ZBBX: variants seen among roughly 807,000 people sequenced by gnomAD.
ZBBX encodes the protein zinc finger B-box domain containing, also known as zinc finger B-box domain-containing protein 1.
In ZBBX, 101 loss-of-function variants were observed where a neutral mutation model predicts 108.5. That is an observed-to-expected ratio of 0.93 (90% confidence interval 0.79 to 1.10). ZBBX has a LOEUF of 1.10. Among genes scored for constraint, ZBBX ranks in the 50% least tolerant of loss-of-function variants. ZBBX has a pLI of 0.00. For missense variants in ZBBX, 1,009 were observed against 941.4 expected (o/e 1.07, Z -0.94); for synonymous variants, 356 against 323.4 (o/e 1.10, Z -1.08).
intron 20 of ZBBX, among the ~76,000 whole-genome samples, chr3:167,243,303 C>CT (rs923855499): frequency 6.6e-6 from 1 of 152,106 alleles, no homozygotes; most frequent in African/African-American, 2.4e-5. Flanking sequence ...ACAATGCCTT[C>CT]TTTTTTCACT....
downstream of ZBBX, among the ~76,000 whole-genome samples, chr3:167,238,935 T>G (rs1034735307): frequency 2.0e-5 from 3 of 152,138 alleles, no homozygotes; most frequent in South Asian, 2.1e-4. Flanking sequence ...TCCAGAGAAA[T>G]AGAACAAATA....
chr3:167,245,850 A>G (rs1397526780), intron 20 of ZBBX, among the ~76,000 whole-genome samples: 1 of 152,030 alleles, frequency 6.6e-6, no homozygotes, highest in African/African-American at 2.4e-5. Context: ...AGTTTTTTTT[A>G]TAAGTTATTT....
At chr3:167,367,587 T>TA (rs5854237) in intron 5 of ZBBX, among the ~76,000 whole-genome samples, 53,106 of 145,408 alleles carry the variant, frequency 0.37, 10,044 homozygotes, top group African/African-American at 0.5. Flanking sequence ...AACTCATTTG[T>TA]AAAAAAAAAA....
intron 20 of ZBBX, among the ~76,000 whole-genome samples, chr3:167,267,380 G>A (rs1725715983): frequency 6.6e-6 from 1 of 152,152 alleles, no homozygotes. Context: ...GGAAGGATAG[G>A]CAAGAAATTT....
At chr3:167,405,105 C>T (rs529651067) in intron 1 of ZBBX, among the ~76,000 whole-genome samples, 1 of 152,224 alleles carries the variant, frequency 6.6e-6, no homozygotes, top group African/African-American at 2.4e-5. Flanking sequence ...AGAAGAAGCA[C>T]ATCTGAGAGG....
intron 12 of ZBBX, among the ~76,000 whole-genome samples, chr3:167,320,652 T>C (rs879276434): frequency 1.3e-5 from 2 of 151,998 alleles, no homozygotes; most frequent in Admixed American, 6.6e-5. Flanking sequence ...AAGTAGTGAT[T>C]TTACAGTGGA....
chr3:167,192,020 GTTTTATC>G, the ZBBX span, among the ~76,000 whole-genome samples: 1 of 147,016 alleles, frequency 6.8e-6, no homozygotes, highest in Admixed American at 6.9e-5. Flanking sequence ...CCATAGTTAG[GTTTTATC>G]TTTTATCAAC....
intron 18 of ZBBX, among the ~76,000 whole-genome samples, chr3:167,291,114 C>T (rs895872605): frequency 5.3e-5 from 8 of 151,998 alleles, no homozygotes; most frequent in Non-Finnish European, 8.8e-5. Flanking sequence ...GAGAATGGAA[C>T]CAAGTTGGGA....
intron 10 of ZBBX, among the ~76,000 whole-genome samples, chr3:167,328,326 T>C (rs900769805): frequency 2.0e-4 from 31 of 152,164 alleles, no homozygotes; most frequent in Non-Finnish European, 7.3e-5. Context: ...CAATTATAAA[T>C]GGTCTCTTCA....
chr3:167,287,753 T>C (rs1274778612), intron 19 of ZBBX, among the ~76,000 whole-genome samples: 1 of 152,120 alleles, frequency 6.6e-6, no homozygotes, highest in Non-Finnish European at 1.5e-5. Flanking sequence ...ACCAGAATTT[T>C]TGAAGTTGCT....
the ZBBX span, among the ~76,000 whole-genome samples, chr3:167,199,118 C>G: frequency 6.6e-6 from 1 of 152,084 alleles, no homozygotes; most frequent in African/African-American, 2.4e-5. Flanking sequence ...GATAGAGAAG[C>G]AGGAGAAGCA....
At chr3:167,275,214 T>G (rs1036337462) in intron 20 of ZBBX, among the ~76,000 whole-genome samples, 1 of 152,158 alleles carries the variant, frequency 6.6e-6, no homozygotes, top group Non-Finnish European at 1.5e-5. Flanking sequence ...TAAATATATA[T>G]TCTTCTATGT....
the ZBBX span, among the ~76,000 whole-genome samples, chr3:167,226,902 A>G: frequency 4.6e-5 from 7 of 151,708 alleles, no homozygotes; most frequent in Non-Finnish European, 2.9e-5. Flanking sequence ...ATAACTAATA[A>G]TGTTACAGGT....
At chr3:167,369,127 T>TA (rs1227753395) in intron 4 of ZBBX, among the ~76,000 whole-genome samples, 2 of 152,272 alleles carry the variant, frequency 1.3e-5, no homozygotes, top group Admixed American at 1.3e-4. Context: ...GAGCTTCCTG[T>TA]ACAAGAGATT....
chr3:167,385,883 T>A (rs959647724), intron 1 of ZBBX, among the ~76,000 whole-genome samples: 4 of 152,046 alleles, frequency 2.6e-5, no homozygotes, highest in Middle Eastern at 3.2e-3. Flanking sequence ...GTTTCTTAGT[T>A]CCACCCAAGG....
rs574975338 is a variant in ZBBX at position 167,404,386 on chromosome 3, C to T, written c.-446+3340G>A. On this transcript the variant is annotated intron_variant, in intron 1 of 21. Coordinates refer to the ZBBX transcript ENST00000455345. ...ATAGTTATAGTAGGAAATTGTATTACGAATAACCAGGGGTTTGCTCTAGGT... is the reference window on the plus strand; with the variant it reads ...ATAGTTATAGTAGGAAATTGTATTATGAATAACCAGGGGTTTGCTCTAGGT... Among the ~76,000 whole-genome samples the T allele has an allele frequency of 5.9e-5, 9 of 152,214 alleles. No individual in the cohort carries two copies. The East Asian group carries it at 1.2e-3, about 20-fold the overall frequency.
chr3:167,257,383 A>C (rs1003907302), intron 20 of ZBBX, among the ~76,000 whole-genome samples: 1 of 152,012 alleles, frequency 6.6e-6, no homozygotes, highest in Non-Finnish European at 1.5e-5. Flanking sequence ...TTCCTTTCCG[A>C]TTTGGATGCC....
At chr3:167,208,966 A>G in the ZBBX span, among the ~76,000 whole-genome samples, 1 of 152,078 alleles carries the variant, frequency 6.6e-6, no homozygotes, top group African/African-American at 2.4e-5. Context: ...GCCTGATAGG[A>G]TTCACCACAA....
chr3:167,405,003 A>G (rs954345048), intron 1 of ZBBX, among the ~76,000 whole-genome samples: 46 of 152,322 alleles, frequency 3.0e-4, no homozygotes, highest in African/African-American at 1.1e-3. Context: ...GTCTGATACA[A>G]GGGAGAGGTG....
Sources: allele counts gnomAD v4.1 joint callset (sites outside exome capture counted in the v4.1 genomes callset), GRCh38; gene constraint gnomAD v4.1.1; transcripts MANE v1.5; gene names NCBI Gene and HGNC (gene_info 2026-07-23, HGNC 2026-07-21).